Variants in TAS2R1 observed in about 807,000 individuals in gnomAD.
The protein encoded by TAS2R1 is taste 2 receptor member 1.
For missense variants in TAS2R1, 370 were observed against 353.4 expected (o/e 1.05, Z -0.38); for synonymous variants, 141 against 134.2 (o/e 1.05, Z -0.35).
At chr5:9,831,711 A>G in the TAS2R1 span, among the ~76,000 whole-genome samples, 1 of 151,842 alleles carries the variant, frequency 6.6e-6, no homozygotes, top group African/African-American at 2.4e-5. Context: ...TCAAGGGGTT[A>G]CTGTAATATC....
the TAS2R1 span, among the ~76,000 whole-genome samples, chr5:9,897,551 C>T: frequency 1.4e-4 from 22 of 152,348 alleles, no homozygotes; most frequent in African/African-American, 4.3e-4. Context: ...GCTAACCGCA[C>T]GTCTATACCC....
At chr5:9,890,192 A>G in the TAS2R1 span, among the ~76,000 whole-genome samples, 1 of 152,220 alleles carries the variant, frequency 6.6e-6, no homozygotes, top group Non-Finnish European at 1.5e-5. Flanking sequence ...GAGAAGCTAG[A>G]AAAGGCAAGG....
rs1206793917 is a variant in TAS2R1 at position 9,629,883 on chromosome 5, A to T, written c.30T>A (p.Cys10Ter). The T allele has an allele frequency of 1.2e-6, 2 of 1,614,066 alleles. No homozygotes were observed. Among genetic ancestry groups the T allele is most frequent in the Non-Finnish European group, 1.7e-6 (2 of 1,180,010 alleles). ...GCAGAAAAATTCTAGAAACTGCCAG[A>T]CAAGAAAGAAGGAGATCCAGCGGAG... Residue 10 changes from cysteine (C) to a stop codon, truncating the protein, a stop_gained, in exon 3 of 3, where the codon TGT becomes TGA. Coordinates refer to the TAS2R1 transcript ENST00000506620. LOFTEE classifies it low-confidence loss of function (END_TRUNC).
At chr5:9,869,700 C>A in the TAS2R1 span, among the ~76,000 whole-genome samples, 1 of 152,226 alleles carries the variant, frequency 6.6e-6, no homozygotes, top group South Asian at 2.1e-4. Context: ...CTGTGTGACT[C>A]CACTGGGACT....
At chr5:9,827,962 C>T in the TAS2R1 span, among the ~76,000 whole-genome samples, 7 of 152,114 alleles carry the variant, frequency 4.6e-5, no homozygotes, top group Admixed American at 3.3e-4. Flanking sequence ...TACGATATTC[C>T]GCTTTGCTAA....
At chr5:9,695,388 T>C (rs1741336431) in intron 1 of TAS2R1, among the ~76,000 whole-genome samples, 1 of 152,136 alleles carries the variant, frequency 6.6e-6, no homozygotes, top group African/African-American at 2.4e-5. Flanking sequence ...ATTTTTGGCC[T>C]GTGGAAGAAG....
chr5:9,684,157 A>C (rs898568199), intron 1 of TAS2R1, among the ~76,000 whole-genome samples: 2 of 152,252 alleles, frequency 1.3e-5, no homozygotes, highest in African/African-American at 4.8e-5. Flanking sequence ...CTAAGTGCTC[A>C]TCAATGGATG....
chr5:9,638,888 C>T (rs1238961697), intron 2 of TAS2R1, among the ~76,000 whole-genome samples: 1 of 152,112 alleles, frequency 6.6e-6, no homozygotes, highest in East Asian at 1.9e-4. Flanking sequence ...TCATATAGTT[C>T]ACCAGGGAAG....
chr5:9,799,480 T>C, the TAS2R1 span, among the ~76,000 whole-genome samples: 1 of 152,188 alleles, frequency 6.6e-6, no homozygotes, highest in South Asian at 2.1e-4. Flanking sequence ...CTCATCAAGA[T>C]TTATTAGAGG....
the TAS2R1 span, among the ~76,000 whole-genome samples, chr5:9,852,146 T>C: frequency 6.6e-5 from 10 of 152,360 alleles, no homozygotes; most frequent in South Asian, 1.4e-3. Flanking sequence ...AGAATTACTT[T>C]ATTTTTAATG....
the TAS2R1 span, among the ~76,000 whole-genome samples, chr5:9,720,261 G>A: frequency 6.6e-6 from 1 of 152,322 alleles, no homozygotes; most frequent in South Asian, 2.1e-4. Context: ...TTACTCTCGT[G>A]GATCTGCGGG....
chr5:9,739,289 A>G, the TAS2R1 span, among the ~76,000 whole-genome samples: 10 of 152,260 alleles, frequency 6.6e-5, no homozygotes, highest in South Asian at 2.1e-3. Context: ...GTGCTGGCTT[A>G]TCTGGTCCCT....
the TAS2R1 span, among the ~76,000 whole-genome samples, chr5:9,732,544 G>A: frequency 2.6e-5 from 4 of 152,304 alleles, no homozygotes; most frequent in East Asian, 5.8e-4. Context: ...ATAGACAGGA[G>A]GCCAGGGTGT....
intron 2 of TAS2R1, among the ~76,000 whole-genome samples, chr5:9,646,433 T>C (rs993023429): frequency 5.9e-5 from 9 of 152,178 alleles, no homozygotes; most frequent in Admixed American, 2.0e-4. Flanking sequence ...TGAATTTGCA[T>C]ATATGTGGCT....
the TAS2R1 span, among the ~76,000 whole-genome samples, chr5:9,758,142 T>C: frequency 6.6e-6 from 1 of 152,178 alleles, no homozygotes; most frequent in African/African-American, 2.4e-5. Context: ...AATTTGATTT[T>C]ACTACTTTAA....
At chr5:9,899,006 C>T in the TAS2R1 span, among the ~76,000 whole-genome samples, 2 of 152,180 alleles carry the variant, frequency 1.3e-5, no homozygotes, top group Admixed American at 6.5e-5. Context: ...CTTTAAAATG[C>T]TAACCGTGCC....
At chr5:9,867,972 G>A in the TAS2R1 span, among the ~76,000 whole-genome samples, 4 of 152,182 alleles carry the variant, frequency 2.6e-5, no homozygotes, top group Non-Finnish European at 1.5e-5. Context: ...GATCTCCTTT[G>A]ACTCCATGTC....
chr5:9,884,872 T>C, the TAS2R1 span, among the ~76,000 whole-genome samples: 1 of 152,244 alleles, frequency 6.6e-6, no homozygotes, highest in Admixed American at 6.5e-5. Context: ...TAAATTGTAC[T>C]TTTTGTTGTC....
chr5:9,736,621 C>T, the TAS2R1 span, among the ~76,000 whole-genome samples: 1 of 152,196 alleles, frequency 6.6e-6, no homozygotes, highest in Non-Finnish European at 1.5e-5. Context: ...AAACCCACTT[C>T]CTAATTGCTG....
Sources: allele counts gnomAD v4.1 joint callset (sites outside exome capture counted in the v4.1 genomes callset), GRCh38; gene constraint gnomAD v4.1.1; transcripts MANE v1.5; gene names NCBI Gene and HGNC (gene_info 2026-07-23, HGNC 2026-07-21).